WASF1: variants seen among roughly 807,000 people sequenced by gnomAD.
The protein encoded by WASF1 is WASP family member 1.
Under a neutral mutation model 50.5 loss-of-function variants are expected in WASF1, and 7 were observed. The ratio of observed to expected loss-of-function variants is 0.14; its 90% CI spans 0.08 to 0.26. WASF1 has a LOEUF of 0.26. WASF1 is among the 10% of genes least tolerant of loss of function. The pLI is 1.00. For synonymous variants in WASF1, 205 were observed against 244.0 expected, an observed-to-expected ratio of 0.84 and a Z score of 1.49; for missense variants, 470 against 694.7, an observed-to-expected ratio of 0.68 and a Z score of 3.64.
intron 4 of WASF1, among the ~76,000 whole-genome samples, chr6:110,122,457 T>A (rs957371525): frequency 3.3e-5 from 5 of 152,060 alleles, no homozygotes; most frequent in African/African-American, 7.2e-5. Flanking sequence ...AAGTCAGAAA[T>A]CAAGATGTGT....
chr6:110,132,961 T>TAC (rs1774757099), intron 3 of WASF1, among the ~76,000 whole-genome samples: 1 of 123,596 alleles, frequency 8.1e-6, no homozygotes, highest in African/African-American at 3.5e-5. Context: ...TTCCATGGTG[T>TAC]ATACACACAC....
chr6:110,107,051 C>T (rs756824653), intron 7 of WASF1, 26 bp downstream of exon 7: 14 of 1,502,914 alleles, frequency 9.3e-6, no homozygotes, highest in Middle Eastern at 1.7e-4. Context: ...AAAAATTAAC[C>T]TCAATTTTTT....
At chr6:110,128,752 T>C (rs1200584236) in intron 3 of WASF1, among the ~76,000 whole-genome samples, 3 of 152,156 alleles carry the variant, frequency 2.0e-5, no homozygotes, top group African/African-American at 7.2e-5. Context: ...TAACGGTCAG[T>C]GGCCTGTAAG....
intron 3 of WASF1, among the ~76,000 whole-genome samples, chr6:110,141,634 G>A (rs887713700): frequency 1.3e-5 from 2 of 152,042 alleles, no homozygotes; most frequent in African/African-American, 2.4e-5. Context: ...TACTCAACTT[G>A]TATCTCCAAG....
intron 7 of WASF1, among the ~76,000 whole-genome samples, 153 bp from the exon 8 acceptor site, chr6:110,105,732 A>G (rs1356732532): frequency 6.6e-6 from 1 of 152,226 alleles, no homozygotes; most frequent in African/African-American, 2.4e-5. Flanking sequence ...TTACTTGTAC[A>G]TTCAGTTAAA....
chr6:110,106,934 G>T lies in WASF1; in HGVS notation c.540+143C>A. ...CTCCCCATCAGACTGTGTTCTTTCTGTGGAGTTATAAAGACTTCAGTATTT... is the reference window on the plus strand; with the variant it reads ...CTCCCCATCAGACTGTGTTCTTTCTTTGGAGTTATAAAGACTTCAGTATTT... On this transcript the variant is annotated intron_variant, in intron 7 of 10. Coordinates refer to ENST00000392589, the MANE Select transcript of WASF1 (RefSeq NM_003931.3). The T allele has an allele frequency of 4.8e-6, 3 of 620,840 alleles. No individual in the cohort carries two copies. The South Asian group carries it at 6.1e-5, about 13-fold the overall frequency. 38.5% of individuals were successfully genotyped at this position (620,840 alleles called of 1,614,324 possible).
intron 2 of WASF1, 143 bp downstream of exon 2, chr6:110,178,455 T>G (rs1777030501): frequency 6.6e-6 from 1 of 152,250 alleles, no homozygotes; most frequent in Non-Finnish European, 1.5e-5. Context: ...GAATAACCAA[T>G]AAGTCAATTA....
intron 2 of WASF1, among the ~76,000 whole-genome samples, chr6:110,162,170 A>C (rs1459872558): frequency 6.6e-6 from 1 of 151,442 alleles, no homozygotes; most frequent in Non-Finnish European, 1.5e-5. Flanking sequence ...CTTAAGAATA[A>C]AAAACTTTGT....
intron 8 of WASF1, among the ~76,000 whole-genome samples, chr6:110,104,407 A>C (rs1331007793): frequency 6.6e-6 from 1 of 152,190 alleles, no homozygotes; most frequent in Non-Finnish European, 1.5e-5. Context: ...ATTTCTCCTA[A>C]AATAGGTCAA....
intron 4 of WASF1, among the ~76,000 whole-genome samples, chr6:110,120,780 C>A (rs1774076159): frequency 1.3e-5 from 2 of 152,326 alleles, no homozygotes; most frequent in South Asian, 4.1e-4. Flanking sequence ...TACATGACTT[C>A]AAACTACACT....
At position 110,127,576 on chromosome 6, in the gene WASF1, T is replaced by C; in HGVS notation, c.26A>G (p.Asp9Gly). 1 of 1,571,978 alleles carries C rather than the reference T, an allele frequency of 6.4e-7. No individual in the cohort carries two copies. Among genetic ancestry groups the C allele is most frequent in the African/African-American group, 1.4e-5 (1 of 73,380 alleles). The change falls in exon 4 of 11, where the codon GAT (aspartate) becomes GGT (glycine). Residue 9 changes from aspartate to glycine, a missense_variant. Around this residue, in one of 3 missense-constraint regions of WASF1, gnomAD observed 140 missense variants for 260.5 expected, o/e 0.54. Transcript: ENST00000392589. Reference sequence around the variant, plus strand: ...TGCTGTGTGGCACAAGTGCCTAGGATCGATGTTTCTTTTCACTAGCGGCAT... The same window carrying C: ...TGCTGTGTGGCACAAGTGCCTAGGACCGATGTTTCTTTTCACTAGCGGCAT... MPLVKRNI[D>G]PRHLCHTALP... is the part of the protein sequence containing the mutation.
At chr6:110,170,119 C>G (rs2114619898) in intron 2 of WASF1, among the ~76,000 whole-genome samples, 1 of 152,114 alleles carries the variant, frequency 6.6e-6, no homozygotes, top group South Asian at 2.1e-4. Context: ...ACTTACAAAA[C>G]ATTTTAAAGA....
intron 3 of WASF1, among the ~76,000 whole-genome samples, chr6:110,138,689 T>TAG (rs1397608504): frequency 2.0e-5 from 3 of 152,164 alleles, no homozygotes; most frequent in Non-Finnish European, 4.4e-5. Context: ...CCAAAGTGGG[T>TAG]AGCTCCTTCC....
chr6:110,177,497 T>A (rs1366690663), intron 2 of WASF1, among the ~76,000 whole-genome samples: 3 of 152,092 alleles, frequency 2.0e-5, no homozygotes, highest in African/African-American at 7.2e-5. Context: ...TTCACAGAAA[T>A]TTTTTAATCA....
chr6:110,140,745 C>CA (rs1775191823), intron 3 of WASF1, among the ~76,000 whole-genome samples: 1 of 152,172 alleles, frequency 6.6e-6, no homozygotes, highest in South Asian at 2.1e-4. Flanking sequence ...TTCTTCAACT[C>CA]ACAGTACTGA....
intron 2 of WASF1, among the ~76,000 whole-genome samples, chr6:110,166,882 TA>T (rs1456184640): frequency 2.6e-5 from 4 of 152,000 alleles, no homozygotes; most frequent in African/African-American, 9.7e-5. Context: ...CAAAAATGTT[TA>T]TTTTTTTGTG....
intron 2 of WASF1, among the ~76,000 whole-genome samples, chr6:110,174,692 A>G (rs1776852070): frequency 6.6e-6 from 1 of 152,224 alleles, no homozygotes; most frequent in African/African-American, 2.4e-5. Flanking sequence ...GCATCTATAC[A>G]GAATCTTGTA....
At chr6:110,138,008 G>A (rs771570305) in intron 3 of WASF1, among the ~76,000 whole-genome samples, 3 of 152,200 alleles carry the variant, frequency 2.0e-5, no homozygotes, top group East Asian at 1.9e-4. Flanking sequence ...GGCTTGTTCC[G>A]CTCACTCAGC....
At chr6:110,160,044 G>C (rs958969140) in intron 3 of WASF1, among the ~76,000 whole-genome samples, 3 of 151,712 alleles carry the variant, frequency 2.0e-5, no homozygotes, top group Admixed American at 6.6e-5. Flanking sequence ...ATACCATCTT[G>C]AAAGTTTTAT....
Sources: allele counts gnomAD v4.1 joint callset (sites outside exome capture counted in the v4.1 genomes callset), GRCh38; gene constraint gnomAD v4.1.1; regional missense constraint gnomAD v4.1.1; transcripts MANE v1.5; gene names NCBI Gene and HGNC (gene_info 2026-07-23, HGNC 2026-07-21).